The following INPP4A variants were observed in gnomAD, a reference collection of about 807,000 sequenced individuals.
INPP4A encodes the protein inositol polyphosphate-4-phosphatase type I A.
Under a neutral mutation model 119.8 loss-of-function variants are expected in INPP4A, and 33 were observed. The observed-to-expected ratio is 0.28, with a 90% CI of 0.21 to 0.37. The LOEUF (loss-of-function observed/expected upper bound fraction) is 0.37, where lower values mean the gene tolerates loss of function less well. Ranked by LOEUF, INPP4A falls within the 10% of genes least tolerant of loss-of-function variation. INPP4A has a pLI of 1.00. For synonymous variants in INPP4A, 496 were observed against 500.7 expected (o/e 0.99, Z 0.12); for missense variants, 956 against 1,289.9 (o/e 0.74, Z 3.97).
intron 1 of INPP4A, among the ~76,000 whole-genome samples, chr2:98,461,750 T>TC (rs748695444): frequency 4.6e-5 from 7 of 152,202 alleles, no homozygotes; most frequent in Non-Finnish European, 1.0e-4. Context: ...GTTTTCCACA[T>TC]CCCTGGTGCC....
chr2:98,522,083 T>G (rs1687302994), intron 4 of INPP4A, among the ~76,000 whole-genome samples: 1 of 149,538 alleles, frequency 6.7e-6, no homozygotes, highest in Non-Finnish European at 1.5e-5. Flanking sequence ...AGGTCAGGAG[T>G]TCAAGACCAG....
At chr2:98,491,464 C>T (rs1231999437) in intron 1 of INPP4A, among the ~76,000 whole-genome samples, 1 of 152,192 alleles carries the variant, frequency 6.6e-6, no homozygotes, top group African/African-American at 2.4e-5. Flanking sequence ...AGGCCTCCAA[C>T]CAGGAAGAAG....
intron 13 of INPP4A, among the ~76,000 whole-genome samples, chr2:98,549,294 C>T (rs1693060675): frequency 6.6e-6 from 1 of 152,086 alleles, no homozygotes; most frequent in Non-Finnish European, 1.5e-5. Context: ...TCATGTCAGC[C>T]CCTGGGTGCA....
chr2:98,462,576 A>G (rs1021069013), intron 1 of INPP4A, among the ~76,000 whole-genome samples: 3 of 150,074 alleles, frequency 2.0e-5, no homozygotes, highest in Non-Finnish European at 3.0e-5. Context: ...ACCAGACTGG[A>G]GTGTAGTGGC....
At chr2:98,466,603 G>T (rs1292952795) in intron 1 of INPP4A, among the ~76,000 whole-genome samples, 1 of 152,212 alleles carries the variant, frequency 6.6e-6, no homozygotes, top group Non-Finnish European at 1.5e-5. Flanking sequence ...TCACCCAGCT[G>T]GTTGGTGGCA....
chr2:98,551,389 C>T (rs1160979259), intron 13 of INPP4A, among the ~76,000 whole-genome samples: 2 of 152,176 alleles, frequency 1.3e-5, no homozygotes, highest in East Asian at 3.8e-4. Context: ...CCTGTTGTGC[C>T]CCACGAGCTT....
Position 98,500,932 on chromosome 2 carries a change from A to G in INPP4A, c.-165-18032A>G, listed in dbSNP as rs569570162. On this transcript the variant is annotated intron_variant, in intron 1 of 24. Coordinates refer to ENST00000409851, the MANE Select transcript of INPP4A (RefSeq NM_001134225.2). The stretch of plus-strand genomic sequence containing the variant: ...CACTGGTGGAATGGCTGCAAGCCTT[A>G]TATTTGAAGAGTTAAATTTGTTTTA... 3.9e-5 allele frequency among the ~76,000 whole-genome samples: 6 copies of G among 152,394 alleles called. No individual in the cohort carries two copies. In the South Asian group the frequency reaches 6.2e-4, roughly 16 times the overall value.
chr2:98,491,860 A>C (rs749880287), intron 1 of INPP4A, among the ~76,000 whole-genome samples: 3 of 152,032 alleles, frequency 2.0e-5, no homozygotes, highest in Non-Finnish European at 4.4e-5. Flanking sequence ...CATCCCCACA[A>C]ACTCATAAGT....
At chr2:98,463,465 C>T (rs1674034036) in intron 1 of INPP4A, among the ~76,000 whole-genome samples, 1 of 152,254 alleles carries the variant, frequency 6.6e-6, no homozygotes. Flanking sequence ...ACGGCCTGGG[C>T]AGCACGTTGC....
chr2:98,542,194 C>T (rs554428001), intron 10 of INPP4A, among the ~76,000 whole-genome samples: 6 of 152,284 alleles, frequency 3.9e-5, no homozygotes, highest in Admixed American at 6.5e-5. Flanking sequence ...TCCAGAGAAA[C>T]TAGCAGCGGC....
At chr2:98,576,842 A>C in intron 23 of INPP4A, 147 bp from the exon 24 acceptor site, 1 of 937,534 alleles carries the variant, frequency 1.1e-6, no homozygotes, top group Non-Finnish European at 1.6e-6. Flanking sequence ...GGAGTTGGGG[A>C]ACAAAATTGG....
At chr2:98,458,930 C>G (rs1696636850) in intron 1 of INPP4A, among the ~76,000 whole-genome samples, 1 of 152,222 alleles carries the variant, frequency 6.6e-6, no homozygotes, top group Non-Finnish European at 1.5e-5. Flanking sequence ...GCTCTCAGCA[C>G]ACTCTTTGTG....
intron 8 of INPP4A, 21 bp downstream of exon 8, chr2:98,537,995 C>T (rs1285771994): frequency 6.8e-7 from 1 of 1,474,864 alleles, no homozygotes; most frequent in Non-Finnish European, 9.4e-7. Context: ...CCACTTTCCT[C>T]CTCTCCCTTA....
Position 98,546,961 on chromosome 2 carries a change from C to T in INPP4A, c.1163+267C>T, listed in dbSNP as rs1018469987. ...CCTCAGAAGTGGTGCTCCAGGCAAC[C>T]GCCCTATGTAGACTCTGCTGGCTTG... On this transcript the variant is annotated intron_variant, in intron 13 of 24. Transcript: ENST00000409851. This position sits in a 1 kb window ranked among gnomAD's most constrained non-coding sequence, Gnocchi z 4.2. 5.9e-5 allele frequency among the ~76,000 whole-genome samples: 9 copies of T among 152,176 alleles called. No individual in the cohort carries two copies. The South Asian group carries it at 6.2e-4, about 11-fold the overall frequency.
chr2:98,526,113 AAG>A (rs1244710177), intron 4 of INPP4A, among the ~76,000 whole-genome samples: 2 of 152,246 alleles, frequency 1.3e-5, no homozygotes, highest in Non-Finnish European at 2.9e-5. Context: ...TTTTTTAAAA[AAG>A]AATGAATTAT....
At chr2:98,508,119 A>C (rs532805550) in intron 1 of INPP4A, among the ~76,000 whole-genome samples, 1 of 152,238 alleles carries the variant, frequency 6.6e-6, no homozygotes, top group East Asian at 1.9e-4. Flanking sequence ...CCTCTCCTGA[A>C]AGGGAAGAAG....
chr2:98,544,784 A>G (rs1692168386), intron 11 of INPP4A, among the ~76,000 whole-genome samples: 1 of 152,222 alleles, frequency 6.6e-6, no homozygotes, highest in Non-Finnish European at 1.5e-5. Context: ...TTGACACAGA[A>G]CATGTGAACC....
intron 1 of INPP4A, among the ~76,000 whole-genome samples, chr2:98,474,532 G>A (rs1676808115): frequency 6.6e-6 from 1 of 152,244 alleles, no homozygotes; most frequent in Non-Finnish European, 1.5e-5. Context: ...GAGAGCCAGA[G>A]CAGGTGAATG....
At chr2:98,532,957 A>G (rs1689519528) in intron 4 of INPP4A, among the ~76,000 whole-genome samples, 1 of 152,234 alleles carries the variant, frequency 6.6e-6, no homozygotes, top group Non-Finnish European at 1.5e-5. Context: ...ATATGCTCAG[A>G]GTCAGCCACA....
Sources: allele counts gnomAD v4.1 joint callset (sites outside exome capture counted in the v4.1 genomes callset), GRCh38; gene constraint gnomAD v4.1.1; non-coding constraint Gnocchi (gnomAD v3.1); transcripts MANE v1.5; gene names NCBI Gene and HGNC (gene_info 2026-07-23, HGNC 2026-07-21).